SYCE1L: variants seen among roughly 807,000 people sequenced by gnomAD.
SYCE1L encodes synaptonemal complex central element protein 1-like.
In SYCE1L, 51 loss-of-function variants were observed where a neutral mutation model predicts 39.6. That is an observed-to-expected ratio of 1.29 (90% confidence interval 1.03 to 1.63). The LOEUF is 1.63. SYCE1L is among the 40% of genes most tolerant of loss of function. The pLI, the probability that SYCE1L is intolerant of heterozygous loss-of-function variation, is 0.00. For missense variants in SYCE1L, 426 were observed against 304.9 expected (o/e 1.40, Z -2.96); for synonymous variants, 147 against 122.4 (o/e 1.20, Z -1.33).
chr16:77,213,145 T>A lies in SYCE1L; in HGVS notation c.*214T>A, dbSNP rs1365378393. The A allele has an allele frequency of 2.3e-6, 1 of 426,460 alleles. No homozygotes were observed. The highest frequency in any genetic ancestry group is 4.1e-6 in the Non-Finnish European group (1 of 244,274). The allele number at this position is 426,460 out of a possible 1,614,324, so 26.4% of individuals were successfully genotyped here. On this transcript the variant is annotated 3_prime_UTR_variant, in exon 11 of 11. Coordinates refer to ENST00000378644, the MANE Select transcript of SYCE1L (RefSeq NM_001129979.3). Reference sequence around the variant, plus strand: ...AGAGGCTGGGTAAATGCTCCTGAACTCAGAGAGAGTAAGTGGGTGTCAGTA... The same window carrying A: ...AGAGGCTGGGTAAATGCTCCTGAACACAGAGAGAGTAAGTGGGTGTCAGTA...
intron 1 of SYCE1L, chr16:77,202,258 G>A (rs560375683): frequency 1.3e-5 from 2 of 152,134 alleles, no homozygotes; most frequent in Admixed American, 6.5e-5. Flanking sequence ...GGAGTAGTGG[G>A]TCAAGATGTC....
intron 1 of SYCE1L, among the ~76,000 whole-genome samples, chr16:77,204,960 G>A (rs1280324888): frequency 4.0e-5 from 6 of 150,008 alleles, no homozygotes; most frequent in Non-Finnish European, 7.4e-5. Flanking sequence ...CAGGAGAATC[G>A]CTTGAACCTG....
chr16:77,211,258 G>C lies in SYCE1L; in HGVS notation c.405G>C (p.Lys135Asn). ...GQLEDLMGQH[K>N]DLWEFHMLEQ... ...TGGAGGATCTGATGGGCCAGCACAAGGACCTCTGGGAATTCCACGTGAGCC... is the reference window on the plus strand; with the variant it reads ...TGGAGGATCTGATGGGCCAGCACAACGACCTCTGGGAATTCCACGTGAGCC... Residue 135 changes from lysine to asparagine, a missense_variant, in exon 7 of 11, where the codon AAG becomes AAC. Physicochemically the swap from Lys to Asn is moderately conservative, Grantham distance 94. Coordinates refer to ENST00000378644, the MANE Select transcript of SYCE1L (RefSeq NM_001129979.3). The C allele has an allele frequency of 6.4e-7, 1 of 1,551,972 alleles. No homozygotes were observed. The highest frequency in any genetic ancestry group is 8.7e-7 in the Non-Finnish European group (1 of 1,147,050).
chr16:77,213,118 A>T lies in SYCE1L; in HGVS notation c.*187A>T. On this transcript the variant is annotated 3_prime_UTR_variant, in exon 11 of 11. Transcript: ENST00000378644. ...CCACCAGTCGAGCCCCGGGCGCCGT[A>T]CAGAGGCTGGGTAAATGCTCCTGAA... 1 of 519,596 alleles carries T rather than the reference A, an allele frequency of 1.9e-6. No homozygotes were observed. The highest frequency in any genetic ancestry group is 3.4e-5 in the East Asian group (1 of 29,042). 32.2% of individuals were successfully genotyped at this position (519,596 alleles called of 1,614,324 possible).
Position 77,212,350 on chromosome 16 carries a change from G to A in SYCE1L, c.562G>A (p.Ala188Thr). ...GCACTCGCCGCCTGAGGTCGAGGGC[G>A]CCATGGCGGTGAATGACGGGTGAGA... ...RLHSPPEVEG[A>T]MAVNDGLKAE... is the part of the protein sequence containing the mutation. Residue 188 changes from alanine (A) to threonine (T), a missense_variant, in exon 9 of 11, where the codon GCC (alanine) becomes ACC (threonine). Transcript: ENST00000378644. 3.3e-6 allele frequency: 5 copies of A among 1,527,360 alleles called. No homozygotes were observed. Among genetic ancestry groups the A allele is most frequent in the Non-Finnish European group, 3.5e-6 (4 of 1,138,548 alleles). The allele number at this position is 1,527,360 out of a possible 1,614,324, so 94.6% of individuals were successfully genotyped here. A position where few individuals can be genotyped will look rare whatever the true frequency, so the allele number is the denominator to read the frequency against.
chr16:77,211,084 G>A lies in SYCE1L; in HGVS notation c.360-129G>A, dbSNP rs1301568830. On this transcript the variant is annotated intron_variant, in intron 6 of 10. Transcript: ENST00000378644. Reference sequence around the variant, plus strand: ...GGTGCTACGGGAACCAAAGCTTAGAGGATAAAACCCATGAAGGGGCTCCCA... The same window carrying A: ...GGTGCTACGGGAACCAAAGCTTAGAAGATAAAACCCATGAAGGGGCTCCCA... The A allele has an allele frequency of 1.2e-5, 12 of 983,146 alleles. No homozygotes were observed. The East Asian group carries it at 2.9e-4, about 24-fold the overall frequency. 60.9% of individuals were successfully genotyped at this position (983,146 alleles called of 1,614,324 possible).
At position 77,211,290 on chromosome 16, in the gene SYCE1L, A is replaced by T; in HGVS notation, c.423+14A>T. ...TGGGAATTCCACGTGAGCCATTATC[A>T]TTGCCTGCAACCAAAGCCACTCCTC... is the stretch of plus-strand genomic sequence containing the variant. On this transcript the variant is annotated intron_variant, in intron 7 of 10. Transcript: ENST00000378644. The T allele has an allele frequency of 6.4e-7, 1 of 1,551,864 alleles. No homozygotes were observed. Among genetic ancestry groups the T allele is most frequent in the Non-Finnish European group, 8.7e-7 (1 of 1,147,014 alleles).
chr16:77,202,957 A>T (rs1024225782), intron 1 of SYCE1L, among the ~76,000 whole-genome samples: 6 of 152,196 alleles, frequency 3.9e-5, no homozygotes, highest in Non-Finnish European at 7.3e-5. Context: ...CTTGTTATTA[A>T]AGTAGCTTTA....
At chr16:77,208,383 G>T in intron 3 of SYCE1L, 82 bp from the exon 4 acceptor site, 1 of 1,544,154 alleles carries the variant, frequency 6.5e-7, no homozygotes, top group South Asian at 1.2e-5. Flanking sequence ...GTTTGAAGAT[G>T]ACTGTGCAAT....
Position 77,212,990 on chromosome 16 carries a change from A to G in SYCE1L, c.*59A>G. The stretch of plus-strand genomic sequence containing the variant: ...CGAGACCCGCCAAGAAATAAAGGCG[A>G]TGATTTCCGACCATGCTCGCGTTCT... On this transcript the variant is annotated 3_prime_UTR_variant, in exon 11 of 11. Coordinates refer to ENST00000378644, the MANE Select transcript of SYCE1L (RefSeq NM_001129979.3). 7.0e-7 allele frequency: 1 copy of G among 1,419,694 alleles called. No homozygotes were observed. Among genetic ancestry groups the G allele is most frequent in the South Asian group, 1.4e-5 (1 of 71,814 alleles). The allele number at this position is 1,419,694 out of a possible 1,614,324, so 87.9% of individuals were successfully genotyped here.
At chr16:77,200,228 G>GTGTGTGTATATATATATATATGTATA (rs2054717899) in intron 1 of SYCE1L, 7 of 122,784 alleles carry the variant, frequency 5.7e-5, no homozygotes, top group Admixed American at 5.0e-4. Flanking sequence ...GTATGTATGT[G>GTGTGTGTATATATATATATATGTATA]TGTGTATATA....
At chr16:77,200,291 T>TATATATATACAC in intron 1 of SYCE1L, 6 of 111,420 alleles carry the variant, frequency 5.4e-5, no homozygotes, top group African/African-American at 1.7e-4. Context: ...TATATATATA[T>TATATATATACAC]ACACACACTA....
chr16:77,208,152 C>T, intron 2 of SYCE1L, 58 bp from the exon 3 acceptor site: 1 of 1,506,324 alleles, frequency 6.6e-7, no homozygotes, highest in Non-Finnish European at 9.0e-7. Flanking sequence ...CTCCGTCTGC[C>T]TTGGACAGCC....
Position 77,212,842 on chromosome 16 carries a change from C to T in SYCE1L, c.655-15C>T. 38 of 1,477,912 alleles carry T rather than the reference C, an allele frequency of 2.6e-5. No individual in the cohort carries two copies. The highest frequency in any genetic ancestry group is 3.3e-5 in the Non-Finnish European group (37 of 1,115,328). 91.5% of individuals were successfully genotyped at this position (1,477,912 alleles called of 1,614,324 possible). A position where few individuals can be genotyped will look rare whatever the true frequency, so the allele number is the denominator to read the frequency against. ...CGTAGGAACCTGGTCCGCAGCCTCA[C>T]CCAGCCCCCGGCAGGCCGGACCTGA... On this transcript the variant is annotated splice_polypyrimidine_tract_variant and intron_variant, in intron 10 of 10. Transcript: ENST00000378644.
At chr16:77,203,423 A>G (rs1433523093) in intron 1 of SYCE1L, among the ~76,000 whole-genome samples, 1 of 42,570 alleles carries the variant, frequency 2.3e-5, no homozygotes, top group Non-Finnish European at 1.1e-4. Flanking sequence ...TTTCAGGCCA[A>G]AAAAAAAAGA....
chr16:77,210,645 A>G lies in SYCE1L; in HGVS notation c.360-568A>G, dbSNP rs150251784. ...GAAGTAACAGATTAGGGTTCAAGCC[A>G]GGATGTTATAGAATCTGTGGTGCCA... is the stretch of plus-strand genomic sequence containing the variant. On this transcript the variant is annotated intron_variant, in intron 6 of 10. Coordinates refer to ENST00000378644, the MANE Select transcript of SYCE1L (RefSeq NM_001129979.3). Among the ~76,000 whole-genome samples the G allele has an allele frequency of 5.2e-3, 790 of 152,288 alleles. 10 individuals are homozygous for G. Among genetic ancestry groups the G allele is most frequent in the African/African-American group, 0.018 (759 of 41,546 alleles).
At chr16:77,203,858 G>C (rs940608744) in intron 1 of SYCE1L, among the ~76,000 whole-genome samples, 1 of 152,008 alleles carries the variant, frequency 6.6e-6, no homozygotes, top group Non-Finnish European at 1.5e-5. Context: ...GCCTCCCAAA[G>C]TGCTGGGATT....
At position 77,212,612 on chromosome 16, in the gene SYCE1L, G is replaced by T. The variant is rs774956323; in HGVS notation, c.620G>T (p.Arg207Leu). 1.3e-6 allele frequency: 2 copies of T among 1,535,840 alleles called. No homozygotes were observed. The highest frequency in any genetic ancestry group is 1.7e-6 in the Non-Finnish European group (2 of 1,146,428). Residue 207 changes from arginine (R) to leucine (L), a missense_variant, in exon 10 of 11, where the codon CGG (arginine) becomes CTG (leucine). Transcript: ENST00000378644. ...CTGGAGATATTCGGGGAGCAGGTCC[G>T]GAGCGCCCCCGAGGTCGGGGCCGGC... The part of the protein sequence containing the change: ...AELEIFGEQV[R>L]SAPEVGAGEG...
At chr16:77,205,069 A>G (rs1001112626) in intron 1 of SYCE1L, among the ~76,000 whole-genome samples, 1 of 150,796 alleles carries the variant, frequency 6.6e-6, no homozygotes, top group African/African-American at 2.4e-5. Flanking sequence ...AAGAAAAGAA[A>G]AAGATAATGT....
Sources: allele counts gnomAD v4.1 joint callset (sites outside exome capture counted in the v4.1 genomes callset), GRCh38; gene constraint gnomAD v4.1.1; transcripts MANE v1.5; gene names NCBI Gene and HGNC (gene_info 2026-07-23, HGNC 2026-07-21).